Variants in ANXA5 observed in about 807,000 individuals in gnomAD.
The protein encoded by ANXA5 is annexin A5.
Under a neutral mutation model 48.1 loss-of-function variants are expected in ANXA5, and 40 were observed. The ratio of observed to expected loss-of-function variants is 0.83; its 90% confidence interval spans 0.65 to 1.08. The LOEUF (loss-of-function observed/expected upper bound fraction) is 1.08. ANXA5 is among the 50% of genes least tolerant of loss of function. The pLI, the probability that ANXA5 is intolerant of heterozygous loss-of-function variation, is 0.00. For missense variants in ANXA5, 357 were observed against 376.8 expected (o/e 0.95, Z 0.44); for synonymous variants, 113 against 129.1 (o/e 0.88, Z 0.85).
chr4:121,694,122 T>A (rs1215275119), intron 2 of ANXA5, among the ~76,000 whole-genome samples: 11 of 129,002 alleles, frequency 8.5e-5, no homozygotes, highest in Admixed American at 2.4e-4. Flanking sequence ...GGGGGAGGGA[T>A]AGCATTAGGA....
Position 121,669,596 on chromosome 4 carries a change from T to C in ANXA5, c.903+6A>G. 1 of 1,613,516 alleles carries C rather than the reference T, an allele frequency of 6.2e-7. No homozygotes were observed. The highest frequency in any genetic ancestry group is 2.2e-5 in the East Asian group (1 of 44,850). On this transcript the variant is annotated splice_donor_region_variant and intron_variant, in intron 12 of 12. Transcript: ENST00000296511. ...CCAAACGTAATTTAAAGAAAGGTTC[T>C]ACTACCTTAATCATGGAATAAAGAG...
intron 4 of ANXA5, 116 bp downstream of exon 4, chr4:121,684,561 G>C: frequency 1.2e-6 from 1 of 826,758 alleles, no homozygotes; most frequent in East Asian, 2.6e-5. Flanking sequence ...ACAGAAGTAG[G>C]GAAGTCGGAA....
At chr4:121,690,433 G>A (rs1210262306) in intron 2 of ANXA5, among the ~76,000 whole-genome samples, 2 of 152,206 alleles carry the variant, frequency 1.3e-5, no homozygotes, top group Admixed American at 6.5e-5. Context: ...AGCTAAGAGT[G>A]AAAGGGTCCA....
chr4:121,672,588 A>C lies in ANXA5; in HGVS notation c.570T>G (p.Asp190Glu). The C allele has an allele frequency of 1.9e-6, 3 of 1,613,858 alleles. No homozygotes were observed. Among genetic ancestry groups the C allele is most frequent in the South Asian group, 2.2e-5 (2 of 91,062 alleles). Residue 190 changes from aspartate (D) to glutamate (E), a missense_variant, in exon 9 of 13, where the codon GAT becomes GAG. Transcript: ENST00000296511. ...FQAGELKWGT[D>E]EEKFITIFGT... ...CAAAGATGGTGATAAACTTTTCTTCATCTGTCCCCCATTTAAGTTCTCCAG... is the reference window on the plus strand; with the variant it reads ...CAAAGATGGTGATAAACTTTTCTTCCTCTGTCCCCCATTTAAGTTCTCCAG...
chr4:121,672,504 T>A (rs935332046), intron 9 of ANXA5, 29 bp downstream of exon 9: 1 of 1,532,158 alleles, frequency 6.5e-7, no homozygotes, highest in Non-Finnish European at 9.0e-7. Context: ...TACCAATGTA[T>A]CTGCCCCATA....
rs1724793790 is a variant in ANXA5 at position 121,681,622 on chromosome 4, AG to A, written c.394+48del. 3 of 1,265,358 alleles carry A rather than the reference AG, an allele frequency of 2.4e-6. No individual in the cohort carries two copies. In the East Asian group the frequency reaches 7.0e-5, roughly 30 times the overall value. 78.4% of individuals were successfully genotyped at this position (1,265,358 alleles called of 1,614,324 possible). ...GACTGCATTCAAATCACAGAAATGA[AG>A]GAAGTGATAGTGGAGGTGAAGTCAA... On this transcript the variant is annotated intron_variant, in intron 6 of 12. Coordinates refer to ENST00000296511, the MANE Select transcript of ANXA5 (RefSeq NM_001154.4).
chr4:121,679,934 AAT>A (rs1288323774), intron 6 of ANXA5, among the ~76,000 whole-genome samples: 7 of 152,166 alleles, frequency 4.6e-5, no homozygotes, highest in Admixed American at 4.6e-4. Flanking sequence ...TCAAGCATAT[AAT>A]AGTTATACTT....
intron 8 of ANXA5, among the ~76,000 whole-genome samples, chr4:121,673,899 A>G (rs905468069): frequency 1.3e-5 from 2 of 152,004 alleles, no homozygotes; most frequent in Non-Finnish European, 2.9e-5. Flanking sequence ...TAGAAGTTGC[A>G]GGCTAGGCAT....
At chr4:121,686,647 C>T (rs1724896089) in intron 2 of ANXA5, among the ~76,000 whole-genome samples, 1 of 152,166 alleles carries the variant, frequency 6.6e-6, no homozygotes, top group Admixed American at 6.5e-5. Flanking sequence ...CCAACACCTC[C>T]TGGTTCACAG....
At chr4:121,674,371 A>G (rs1257653153) in intron 8 of ANXA5, among the ~76,000 whole-genome samples, 3 of 152,026 alleles carry the variant, frequency 2.0e-5, no homozygotes, top group Non-Finnish European at 4.4e-5. Flanking sequence ...AGGAAAGAAA[A>G]GAAAAGTTGC....
intron 11 of ANXA5, 110 bp downstream of exon 11, chr4:121,669,844 G>T: frequency 1.4e-6 from 2 of 1,454,320 alleles, no homozygotes; most frequent in Non-Finnish European, 1.9e-6. Flanking sequence ...TGGGTTGAAT[G>T]TTATAAGGGA....
At chr4:121,684,167 C>T (rs1209557950) in intron 4 of ANXA5, among the ~76,000 whole-genome samples, 2 of 152,038 alleles carry the variant, frequency 1.3e-5, no homozygotes, top group East Asian at 1.9e-4. Context: ...GTTTTCCATG[C>T]ATGCACTAAT....
Position 121,680,474 on chromosome 4 carries a change from A to G in ANXA5, c.394+1197T>C, listed in dbSNP as rs1393507295. On this transcript the variant is annotated intron_variant, in intron 6 of 12. Coordinates refer to ENST00000296511, the MANE Select transcript of ANXA5 (RefSeq NM_001154.4). ...ATTTTACTTTAGTTTGAATTTCATT[A>G]TCCTTTAAATATTGCAGTCATTCTG... Among the ~76,000 whole-genome samples, 5 of 152,170 alleles carry G rather than the reference A, an allele frequency of 3.3e-5. No homozygotes were observed. In the South Asian group the frequency reaches 1.0e-3, roughly 32 times the overall value.
At chr4:121,680,392 C>A (rs776260969) in intron 6 of ANXA5, among the ~76,000 whole-genome samples, 2 of 152,156 alleles carry the variant, frequency 1.3e-5, no homozygotes, top group Non-Finnish European at 2.9e-5. Flanking sequence ...TCCCTAACAT[C>A]CAAAGCTATG....
At chr4:121,694,890 C>T (rs1219651721) in intron 2 of ANXA5, among the ~76,000 whole-genome samples, 3 of 152,140 alleles carry the variant, frequency 2.0e-5, no homozygotes, top group Non-Finnish European at 2.9e-5. Context: ...AACCACCATT[C>T]TCCTAGGTTT....
rs1430977344 is a variant in ANXA5, at chr4:121,679,500, G to A, written c.395-1006C>T. On this transcript the variant is annotated intron_variant, in intron 6 of 12. Coordinates refer to ENST00000296511, the MANE Select transcript of ANXA5 (RefSeq NM_001154.4). The stretch of plus-strand genomic sequence containing the variant: ...GCTCATTCAGGAATTTACAGTGCCT[G>A]TGAATTAAGTCCAAATTCCTAATCC... 3.3e-5 allele frequency among the ~76,000 whole-genome samples: 5 copies of A among 152,144 alleles called. No homozygotes were observed. In the East Asian group the frequency reaches 9.6e-4, roughly 29 times the overall value.
Position 121,677,963 on chromosome 4 carries a change from A to G in ANXA5, c.475-13T>C, listed in dbSNP as rs756777843. On this transcript the variant is annotated splice_polypyrimidine_tract_variant and intron_variant, in intron 7 of 12. Transcript: ENST00000296511. ...GGTCTCTGTTAGCCTATGAGAGGTA[A>G]TATGTCACATTACTGAACTATAGAG... 42 of 1,610,696 alleles carry G rather than the reference A, an allele frequency of 2.6e-5. 1 individual carries two copies. Among genetic ancestry groups the G allele is most frequent in the Middle Eastern group, 1.6e-4 (1 of 6,076 alleles).
At position 121,670,055 on chromosome 4, in the gene ANXA5, T is replaced by C. The variant is rs1029471397; in HGVS notation, c.722-43A>G. ...ACAATGGTCAAATGCTATTTTGATATGTAAAGGATTAAGTAATTAAAAATC... is the reference window on the plus strand; with the variant it reads ...ACAATGGTCAAATGCTATTTTGATACGTAAAGGATTAAGTAATTAAAAATC... On this transcript the variant is annotated intron_variant, in intron 10 of 12. Coordinates refer to ENST00000296511, the MANE Select transcript of ANXA5 (RefSeq NM_001154.4). 3.6e-6 allele frequency: 5 copies of C among 1,390,738 alleles called. No individual in the cohort carries two copies. In the African/African-American group the frequency reaches 4.4e-5, roughly 12 times the overall value. The allele number at this position is 1,390,738 out of a possible 1,614,324, so 86.1% of individuals were successfully genotyped here.
intron 2 of ANXA5, among the ~76,000 whole-genome samples, chr4:121,689,160 A>C (rs1336808780): frequency 2.0e-5 from 3 of 152,240 alleles, no homozygotes; most frequent in Non-Finnish European, 4.4e-5. Context: ...CTGTGTTAGG[A>C]AAGTTCTTTC....
Sources: allele counts gnomAD v4.1 joint callset (sites outside exome capture counted in the v4.1 genomes callset), GRCh38; gene constraint gnomAD v4.1.1; transcripts MANE v1.5; gene names NCBI Gene and HGNC (gene_info 2026-07-23, HGNC 2026-07-21).